Variants in VAV3 observed in about 807,000 individuals in gnomAD.
The protein encoded by VAV3 is vav guanine nucleotide exchange factor 3, also known as guanine nucleotide exchange factor VAV3.
In VAV3, 94 loss-of-function variants were observed where a neutral mutation model predicts 131.2. That is an observed-to-expected ratio of 0.72 (90% CI 0.61 to 0.85). The LOEUF (loss-of-function observed/expected upper bound fraction) is 0.85, where lower values mean the gene tolerates loss of function less well. Among genes scored for constraint, VAV3 ranks in the 40% least tolerant of loss-of-function variants. The pLI is 0.00. For missense variants in VAV3, 939 were observed against 1,002.7 expected, an observed-to-expected ratio of 0.94 and a Z score of 0.86; for synonymous variants, 349 against 342.0, an observed-to-expected ratio of 1.02 and a Z score of -0.22.
chr1:107,769,314 C>G (rs912346534), intron 6 of VAV3, among the ~76,000 whole-genome samples: 1 of 108,468 alleles, frequency 9.2e-6, no homozygotes, highest in African/African-American at 3.2e-5. Flanking sequence ...TTTTGTGACT[C>G]TATCTAAGAA....
chr1:107,616,904 G>A (rs1395880035), intron 21 of VAV3, among the ~76,000 whole-genome samples: 1 of 151,994 alleles, frequency 6.6e-6, no homozygotes. Context: ...AAAGTTGTGT[G>A]GAAAACGTCA....
chr1:107,748,132 T>C (rs1449129725), intron 15 of VAV3, among the ~76,000 whole-genome samples: 1 of 152,198 alleles, frequency 6.6e-6, no homozygotes, highest in East Asian at 1.9e-4. Context: ...TGAGCATTTC[T>C]TAAAACAAAG....
At chr1:107,661,931 G>A (rs1657051124) in intron 19 of VAV3, among the ~76,000 whole-genome samples, 1 of 152,204 alleles carries the variant, frequency 6.6e-6, no homozygotes, top group African/African-American at 2.4e-5. Context: ...TGGTATTACA[G>A]ATTAGTTGAG....
At chr1:107,762,704 T>A (rs1181695354) in intron 9 of VAV3, among the ~76,000 whole-genome samples, 1 of 152,192 alleles carries the variant, frequency 6.6e-6, no homozygotes, top group Non-Finnish European at 1.5e-5. Context: ...GAAATTAGTT[T>A]CAAAATGTTG....
At chr1:107,627,479 T>C (rs1654109947) in intron 20 of VAV3, among the ~76,000 whole-genome samples, 1 of 152,196 alleles carries the variant, frequency 6.6e-6, no homozygotes, top group Admixed American at 6.5e-5. Context: ...AGTGGGACTC[T>C]TCACATTAAA....
At chr1:107,951,191 T>G (rs2101339291) in intron 1 of VAV3, among the ~76,000 whole-genome samples, 1 of 152,316 alleles carries the variant, frequency 6.6e-6, no homozygotes, top group Non-Finnish European at 1.5e-5. Flanking sequence ...TAACTCTCTC[T>G]CTACTCAGTT....
intron 19 of VAV3, among the ~76,000 whole-genome samples, chr1:107,668,056 C>A (rs1015023524): frequency 2.6e-5 from 4 of 152,134 alleles, no homozygotes; most frequent in Non-Finnish European, 4.4e-5. Context: ...CTGCCTTAAG[C>A]CTTCACATCA....
intron 18 of VAV3, among the ~76,000 whole-genome samples, chr1:107,684,178 C>CA (rs1367571527): frequency 4.6e-5 from 7 of 152,050 alleles, no homozygotes; most frequent in African/African-American, 1.7e-4. Flanking sequence ...AGATGAAACA[C>CA]AAAACAAGAG....
rs374819145 is a variant in VAV3, at chr1:107,574,133, C to G, written c.2416G>C (p.Glu806Gln). ...RYDFCARDMR[E>Q]LSLLKGDVVK... ...ACATCTCCTTTCAACAAGGACAACT[C>G]TCTCATATCTCTTGCACAGAAGTCA... Residue 806 changes from glutamate to glutamine, a missense_variant, in exon 26 of 27, where the codon GAG (glutamate) becomes CAG (glutamine). Physicochemically the swap from Glu to Gln is conservative, Grantham distance 29 (BLOSUM62 2). Coordinates refer to ENST00000370056, the MANE Select transcript of VAV3 (RefSeq NM_006113.5). The G allele has an allele frequency of 3.1e-6, 5 of 1,614,030 alleles. No homozygotes were observed. The highest frequency in any genetic ancestry group is 4.2e-6 in the Non-Finnish European group (5 of 1,180,040).
chr1:107,603,232 A>C, intron 22 of VAV3, 69 bp from the exon 23 acceptor site: 1 of 1,105,106 alleles, frequency 9.0e-7, no homozygotes, highest in Non-Finnish European at 1.4e-6. Flanking sequence ...AAAAGTAAGT[A>C]TCTCTCAATA....
intron 5 of VAV3, among the ~76,000 whole-genome samples, chr1:107,771,965 T>C (rs1437587123): frequency 2.0e-5 from 3 of 152,242 alleles, no homozygotes; most frequent in African/African-American, 7.2e-5. Flanking sequence ...CAGAAGCTAC[T>C]GGACAGCCCA....
At chr1:107,765,292 G>C in intron 8 of VAV3, 117 bp from the exon 9 acceptor site, 1 of 744,444 alleles carries the variant, frequency 1.3e-6, no homozygotes, top group Non-Finnish European at 2.3e-6. Context: ...CAAAATAGCA[G>C]TAGAAATTAT....
chr1:107,599,882 C>A (rs796206583), intron 24 of VAV3, among the ~76,000 whole-genome samples: 3 of 103,586 alleles, frequency 2.9e-5, no homozygotes, highest in African/African-American at 9.7e-5. Context: ...ATCCACAGAT[C>A]ACTCCTTACT....
chr1:107,668,825 T>G, intron 19 of VAV3: 2 of 985,640 alleles, frequency 2.0e-6, no homozygotes, highest in Non-Finnish European at 2.4e-6. Flanking sequence ...ACATACAGTT[T>G]TGATTGTCAC....
intron 1 of VAV3, among the ~76,000 whole-genome samples, chr1:107,886,064 G>T (rs1671020910): frequency 6.6e-6 from 1 of 152,180 alleles, no homozygotes; most frequent in African/African-American, 2.4e-5. Context: ...AAGGGGACTA[G>T]CATATGAAAA....
At chr1:107,616,297 T>C (rs1373365378) in intron 21 of VAV3, among the ~76,000 whole-genome samples, 1 of 152,022 alleles carries the variant, frequency 6.6e-6, no homozygotes, top group Non-Finnish European at 1.5e-5. Context: ...GCAGCATGGG[T>C]GGAGCTGGAG....
chr1:107,896,372 C>T (rs1671577020), intron 1 of VAV3, among the ~76,000 whole-genome samples: 1 of 143,674 alleles, frequency 7.0e-6, no homozygotes, highest in African/African-American at 2.6e-5. Flanking sequence ...CATCACTGTC[C>T]TCTTTCATCA....
At chr1:107,759,418 T>C (rs1664295673) in intron 10 of VAV3, among the ~76,000 whole-genome samples, 1 of 152,184 alleles carries the variant, frequency 6.6e-6, no homozygotes. Context: ...AATCTGTGGT[T>C]TCAAATCATC....
intron 2 of VAV3, among the ~76,000 whole-genome samples, chr1:107,796,802 A>T (rs75556576): frequency 0.021 from 3,007 of 143,062 alleles, 73 homozygotes; most frequent in East Asian, 0.1. Flanking sequence ...AAAAAAAAAA[A>T]AAATATATAT....
Sources: allele counts gnomAD v4.1 joint callset (sites outside exome capture counted in the v4.1 genomes callset), GRCh38; gene constraint gnomAD v4.1.1; transcripts MANE v1.5; gene names NCBI Gene and HGNC (gene_info 2026-07-23, HGNC 2026-07-21).